Variants in MMP26 observed in about 807,000 individuals in gnomAD.
The protein encoded by MMP26 is matrix metalloproteinase-26.
Under a neutral mutation model 31.0 loss-of-function variants are expected in MMP26, and 33 were observed. That is an observed-to-expected ratio of 1.06 (90% CI 0.81 to 1.42). MMP26 has a LOEUF of 1.42. Ranked by LOEUF, MMP26 falls within the 40% of genes most tolerant of loss-of-function variation. The pLI is 0.00. For synonymous variants in MMP26, 122 were observed against 114.9 expected (o/e 1.06, Z -0.40); for missense variants, 347 against 316.1 (o/e 1.10, Z -0.74).
intron 1 of MMP26, among the ~76,000 whole-genome samples, chr11:4,732,397 T>C (rs919967912): frequency 6.6e-6 from 1 of 152,100 alleles, no homozygotes; most frequent in African/African-American, 2.4e-5. Context: ...TTTAATACAA[T>C]AGTTTTTTGT....
intron 2 of MMP26, among the ~76,000 whole-genome samples, chr11:4,800,159 T>A (rs1849162460): frequency 6.6e-6 from 1 of 152,208 alleles, no homozygotes; most frequent in African/African-American, 2.4e-5. Context: ...CACATTTCCC[T>A]TCAGCGCTGG....
At chr11:4,707,728 G>A (rs914816677) in intron 1 of MMP26, among the ~76,000 whole-genome samples, 1 of 152,166 alleles carries the variant, frequency 6.6e-6, no homozygotes, top group African/African-American at 2.4e-5. Flanking sequence ...GCCACATATC[G>A]GGAATCACAC....
At chr11:4,899,400 G>A (rs1850769318) in intron 2 of MMP26, among the ~76,000 whole-genome samples, 1 of 152,094 alleles carries the variant, frequency 6.6e-6, no homozygotes, top group Non-Finnish European at 1.5e-5. Context: ...AACCTCAACT[G>A]ATCTTATCAT....
At chr11:4,972,745 C>G (rs999884855) in intron 2 of MMP26, among the ~76,000 whole-genome samples, 2 of 152,068 alleles carry the variant, frequency 1.3e-5, no homozygotes, top group Non-Finnish European at 2.9e-5. Context: ...AAGAGTGAAA[C>G]CTGGGAATAC....
intron 2 of MMP26, among the ~76,000 whole-genome samples, chr11:4,881,427 T>C (rs1850461240): frequency 6.6e-6 from 1 of 152,136 alleles, no homozygotes; most frequent in South Asian, 2.1e-4. Context: ...TACAAACATA[T>C]GTAGACTTTT....
intron 2 of MMP26, chr11:4,943,894 T>C (rs1352033661): frequency 2.2e-6 from 1 of 445,034 alleles, no homozygotes; most frequent in East Asian, 7.0e-5. Flanking sequence ...TCTTTGATAC[T>C]CTTTTATGTG....
chr11:4,759,462 A>T (rs573347625), intron 1 of MMP26, among the ~76,000 whole-genome samples: 51 of 152,256 alleles, frequency 3.3e-4, no homozygotes, highest in African/African-American at 1.2e-3. Flanking sequence ...ATATATATAA[A>T]TTATTCCTTC....
chr11:4,979,222 A>G (rs1471571432), intron 2 of MMP26, among the ~76,000 whole-genome samples: 1 of 152,136 alleles, frequency 6.6e-6, no homozygotes, highest in Non-Finnish European at 1.5e-5. Context: ...CATGAAGCTG[A>G]GAGCAGTTGC....
chr11:4,763,058 C>T (rs1383940129), intron 1 of MMP26, among the ~76,000 whole-genome samples: 1 of 152,068 alleles, frequency 6.6e-6, no homozygotes, highest in African/African-American at 2.4e-5. Flanking sequence ...ATTATAATTC[C>T]ATTATAAGAT....
At chr11:4,884,890 G>T (rs1334912828) in intron 2 of MMP26, among the ~76,000 whole-genome samples, 1 of 152,006 alleles carries the variant, frequency 6.6e-6, no homozygotes, top group African/African-American at 2.4e-5. Context: ...ATATTGCTGT[G>T]TTTGAATGCA....
At chr11:4,715,811 G>A (rs1163119006) in intron 1 of MMP26, among the ~76,000 whole-genome samples, 1 of 152,196 alleles carries the variant, frequency 6.6e-6, no homozygotes, top group Non-Finnish European at 1.5e-5. Flanking sequence ...CCTTGGGTGT[G>A]TGAGTGGGGC....
rs1424010900 is a variant in MMP26 at position 4,895,266 on chromosome 11, C to T, written c.-144-92802C>T. Among the ~76,000 whole-genome samples, 5 of 152,100 alleles carry T rather than the reference C, an allele frequency of 3.3e-5. 1 individual carries two copies. Among genetic ancestry groups the T allele is most frequent in the South Asian group, 4.2e-4 (2 of 4,818 alleles). On this transcript the variant is annotated intron_variant, in intron 2 of 7. Transcript: ENST00000380390. ...CAATTCTTTATATACATCAACAACC[C>T]GATTATGCCAAATTGTTCTCTGGTC...
At chr11:4,790,580 A>T (rs1849012728) in intron 2 of MMP26, among the ~76,000 whole-genome samples, 1 of 152,160 alleles carries the variant, frequency 6.6e-6, no homozygotes, top group Admixed American at 6.5e-5. Flanking sequence ...ATTGTATGAG[A>T]TCAAATCAGG....
At chr11:4,838,510 G>C (rs199939345) in intron 2 of MMP26, among the ~76,000 whole-genome samples, 1 of 151,854 alleles carries the variant, frequency 6.6e-6, no homozygotes, top group Non-Finnish European at 1.5e-5. Flanking sequence ...TTGTAGAAGA[G>C]CATTTATTAG....
intron 3 of MMP26, among the ~76,000 whole-genome samples, chr11:4,989,083 C>G (rs1170059371): frequency 6.6e-6 from 1 of 152,132 alleles, no homozygotes; most frequent in East Asian, 1.9e-4. Context: ...ACAGAGAAAG[C>G]CTAATTACAA....
rs1849180006 is a variant in MMP26 at position 4,801,483 on chromosome 11, G to C, written c.-145+34142G>C. Among the ~76,000 whole-genome samples the C allele has an allele frequency of 2.0e-5, 3 of 151,632 alleles. No individual in the cohort carries two copies. The South Asian group carries it at 6.3e-4, about 32-fold the overall frequency. On this transcript the variant is annotated intron_variant, in intron 2 of 7. Transcript: ENST00000380390. ...AGGAGTGGGAATGAGAGAGAGAAGGGGGAGGGGGAGGTCCCGGACTTTTTA... is the reference window on the plus strand; with the variant it reads ...AGGAGTGGGAATGAGAGAGAGAAGGCGGAGGGGGAGGTCCCGGACTTTTTA...
rs140019331 is a variant in MMP26 at position 4,881,986 on chromosome 11, C to T, written c.-144-106082C>T. ...GGCTGGAATGTGCTCATGTCTGGAT[C>T]TCCATTCCAGTCTGCTGTCTCTACA... On this transcript the variant is annotated intron_variant, in intron 2 of 7. Transcript: ENST00000380390. 39 of 1,613,760 alleles carry T rather than the reference C, an allele frequency of 2.4e-5. No individual in the cohort carries two copies. The African/African-American group carries it at 4.8e-4, about 20-fold the overall frequency.
intron 2 of MMP26, among the ~76,000 whole-genome samples, chr11:4,872,469 CA>C (rs1162291538): frequency 6.6e-6 from 1 of 151,968 alleles, no homozygotes; most frequent in East Asian, 1.9e-4. Flanking sequence ...GTCAGTAAAA[CA>C]AGAACTTTAT....
chr11:4,919,869 C>G (rs1398194869), intron 2 of MMP26, among the ~76,000 whole-genome samples: 1 of 152,112 alleles, frequency 6.6e-6, no homozygotes, highest in Non-Finnish European at 1.5e-5. Flanking sequence ...TTTCTGCATA[C>G]TCTTAGGGAC....
Sources: allele counts gnomAD v4.1 joint callset (sites outside exome capture counted in the v4.1 genomes callset), GRCh38; gene constraint gnomAD v4.1.1; transcripts MANE v1.5; gene names NCBI Gene and HGNC (gene_info 2026-07-23, HGNC 2026-07-21).